Variants in ACTR3C observed in about 807,000 individuals in gnomAD.
ACTR3C encodes actin related protein 3C, also known as actin-related protein 3C.
In ACTR3C, 18 loss-of-function variants were observed where a neutral mutation model predicts 26.3. The observed-to-expected ratio is 0.68, with a 90% CI of 0.47 to 1.01. ACTR3C has a LOEUF of 1.01. Among genes scored for constraint, ACTR3C ranks in the 50% least tolerant of loss-of-function variants. The probability of loss-of-function intolerance (pLI) is 0.00; values close to 1 mark genes in which losing one functional copy is unlikely to be tolerated. For missense variants in ACTR3C, 184 were observed against 250.7 expected (o/e 0.73, Z 1.80); for synonymous variants, 55 against 94.5 (o/e 0.58, Z 2.42).
intron 1 of ACTR3C, among the ~76,000 whole-genome samples, chr7:150,319,226 CAG>C (rs1451232724): frequency 2.1e-5 from 3 of 145,378 alleles, no homozygotes; most frequent in Admixed American, 6.9e-5. Context: ...TTTTTTGAGA[CAG>C]AGTCTCACTC....
At chr7:150,233,518 G>A in the ACTR3C span, among the ~76,000 whole-genome samples, 2 of 150,102 alleles carry the variant, frequency 1.3e-5, no homozygotes, top group African/African-American at 5.0e-5. Context: ...TCTCCTTCTG[G>A]TATTCCAAAT....
At chr7:150,017,253 C>G in the ACTR3C span, among the ~76,000 whole-genome samples, 1 of 151,678 alleles carries the variant, frequency 6.6e-6, no homozygotes, top group Non-Finnish European at 1.5e-5. Context: ...ACAGCTCCTG[C>G]ACATCCCCCA....
the ACTR3C span, among the ~76,000 whole-genome samples, chr7:150,228,554 T>C: frequency 3.5e-3 from 537 of 152,254 alleles, 4 homozygotes; most frequent in Non-Finnish European, 6.0e-3. Context: ...AAATCAGAGC[T>C]GCCAATGTCA....
chr7:150,285,625 G>A (rs749286553), intron 5 of ACTR3C, among the ~76,000 whole-genome samples: 8 of 152,076 alleles, frequency 5.3e-5, no homozygotes, highest in East Asian at 1.9e-4. Context: ...GATTACTAGC[G>A]AGGAACACAT....
chr7:149,929,229 C>A, the ACTR3C span, among the ~76,000 whole-genome samples: 7 of 151,768 alleles, frequency 4.6e-5, no homozygotes, highest in African/African-American at 1.7e-4. Flanking sequence ...GGATTCAAGA[C>A]CAGCTTGGGC....
chr7:150,139,214 T>C, the ACTR3C span, among the ~76,000 whole-genome samples: 5 of 152,262 alleles, frequency 3.3e-5, no homozygotes, highest in African/African-American at 4.8e-5. Flanking sequence ...ACTGCTGCTG[T>C]AGCAGGTCAC....
chr7:150,217,305 A>C, the ACTR3C span, among the ~76,000 whole-genome samples: 1 of 151,764 alleles, frequency 6.6e-6, no homozygotes, highest in East Asian at 1.9e-4. Flanking sequence ...CAGAGACTGA[A>C]GCACTGATAA....
At chr7:150,037,852 C>T in the ACTR3C span, among the ~76,000 whole-genome samples, 2 of 98,384 alleles carry the variant, frequency 2.0e-5, no homozygotes, top group Non-Finnish European at 4.5e-5. Flanking sequence ...AGGGTGCCTC[C>T]GCCCCCAGCG....
At chr7:150,227,989 G>T in the ACTR3C span, among the ~76,000 whole-genome samples, 1,480 of 152,130 alleles carry the variant, frequency 9.7e-3, 15 homozygotes, top group Middle Eastern at 0.02. Flanking sequence ...TTCTAGGAAG[G>T]TCTTTGTCCT....
the ACTR3C span, among the ~76,000 whole-genome samples, chr7:149,999,905 A>G: frequency 6.6e-6 from 1 of 152,106 alleles, no homozygotes; most frequent in Non-Finnish European, 1.5e-5. Flanking sequence ...TTCTAAAAAT[A>G]TAAATCACGT....
At chr7:149,899,500 C>A in the ACTR3C span, among the ~76,000 whole-genome samples, 2 of 142,014 alleles carry the variant, frequency 1.4e-5, no homozygotes, top group Non-Finnish European at 1.5e-5. Context: ...AAGAGATGGC[C>A]TCAACAGAAG....
In ACTR3C at chr7:150,262,868, C is replaced by T. The variant is rs2530965; in HGVS notation, c.565-13814G>A. ...CGAAATAAGAATAAAAAAGATATCT[C>T]GCCCCCAAGGGCTTGAAAGTGAAAT... On this transcript the variant is annotated intron_variant, in intron 6 of 7. Coordinates refer to ENST00000683684, the MANE Select transcript of ACTR3C (RefSeq NM_001164458.2). 8.6e-5 allele frequency among the ~76,000 whole-genome samples: 13 copies of T among 151,748 alleles called. No homozygotes were observed. In the South Asian group the frequency reaches 1.5e-3, roughly 17 times the overall value.
At chr7:150,158,051 C>T in the ACTR3C span, among the ~76,000 whole-genome samples, 4 of 152,094 alleles carry the variant, frequency 2.6e-5, no homozygotes, top group Non-Finnish European at 5.9e-5. Flanking sequence ...GACATTTCTT[C>T]CAAAGAAGAC....
the ACTR3C span, among the ~76,000 whole-genome samples, chr7:150,165,267 G>A: frequency 6.6e-6 from 1 of 152,072 alleles, no homozygotes. Context: ...TTTGAGACAT[G>A]AGGAGATCAA....
At chr7:150,163,001 CAA>C in the ACTR3C span, among the ~76,000 whole-genome samples, 1 of 151,586 alleles carries the variant, frequency 6.6e-6, no homozygotes, top group Non-Finnish European at 1.5e-5. Flanking sequence ...AAAATACAAA[CAA>C]ATTAGCTGGG....
At chr7:150,137,527 A>G in the ACTR3C span, among the ~76,000 whole-genome samples, 1 of 151,578 alleles carries the variant, frequency 6.6e-6, no homozygotes, top group African/African-American at 2.4e-5. Flanking sequence ...CTTCCCTCCT[A>G]CCCTCACGTT....
At chr7:149,926,861 A>G in the ACTR3C span, among the ~76,000 whole-genome samples, 8 of 151,834 alleles carry the variant, frequency 5.3e-5, no homozygotes, top group Admixed American at 1.3e-4. Context: ...AAATGAAGAG[A>G]CCGAAAAAAA....
At chr7:150,035,992 CG>C in the ACTR3C span, among the ~76,000 whole-genome samples, 19 of 100,488 alleles carry the variant, frequency 1.9e-4, 1 homozygote, top group Middle Eastern at 6.6e-3. Flanking sequence ...CCCTGCCTCG[CG>C]GGGGGTGCCT....
chr7:149,974,554 C>T, the ACTR3C span, among the ~76,000 whole-genome samples: 479 of 152,310 alleles, frequency 3.1e-3, 1 homozygote, highest in Middle Eastern at 0.02. Context: ...CTCCACACCA[C>T]GCCACCACCA....
Sources: gnomAD v4.1 joint callset for allele counts (sites outside exome capture counted in the v4.1 genomes callset) on GRCh38, gnomAD v4.1.1 for gene constraint, MANE v1.5 for transcripts, NCBI Gene and HGNC (gene_info 2026-07-23, HGNC 2026-07-21) for gene names.